The following KBTBD12 variants were observed in gnomAD, a reference collection of about 807,000 sequenced individuals.
KBTBD12 encodes the protein kelch repeat and BTB domain-containing protein 12.
A neutral mutation model predicts 58.7 loss-of-function variants in KBTBD12; 53 were observed. The observed-to-expected ratio is 0.90, with a 90% confidence interval of 0.72 to 1.14. The LOEUF is 1.14. KBTBD12 is among the 50% of genes most tolerant of loss of function. The probability of loss-of-function intolerance (pLI) is 0.00; values close to 1 mark genes in which losing one functional copy is unlikely to be tolerated. For synonymous variants in KBTBD12, 236 were observed against 259.8 expected (o/e 0.91, Z 0.88); for missense variants, 704 against 751.3 (o/e 0.94, Z 0.74).
intron 4 of KBTBD12, among the ~76,000 whole-genome samples, chr3:127,948,578 C>G (rs1410908595): frequency 6.6e-6 from 1 of 152,178 alleles, no homozygotes; most frequent in Non-Finnish European, 1.5e-5. Context: ...CAGACAAACC[C>G]TAGTCAAGAT....
At chr3:127,935,543 T>C (rs1404215139) in intron 4 of KBTBD12, among the ~76,000 whole-genome samples, 1 of 152,090 alleles carries the variant, frequency 6.6e-6, no homozygotes, top group Non-Finnish European at 1.5e-5. Flanking sequence ...GGAGGATCAC[T>C]TGAGCCCAAG....
chr3:127,924,703 A>G (rs182182557), intron 2 of KBTBD12, among the ~76,000 whole-genome samples: 1 of 152,260 alleles, frequency 6.6e-6, no homozygotes, highest in East Asian at 1.9e-4. Context: ...GTCAGTTTTC[A>G]TTCTATGTCC....
intron 4 of KBTBD12, among the ~76,000 whole-genome samples, chr3:127,938,411 G>A (rs190597465): frequency 1.4e-3 from 210 of 152,050 alleles, no homozygotes; most frequent in Middle Eastern, 3.4e-3. Flanking sequence ...GAAATTTCTA[G>A]GCTTACCACT....
At chr3:127,944,759 A>G (rs562715450) in intron 4 of KBTBD12, among the ~76,000 whole-genome samples, 3 of 152,328 alleles carry the variant, frequency 2.0e-5, no homozygotes, top group African/African-American at 7.2e-5. Context: ...CTTAAAGAAT[A>G]AGCTTTGAGG....
chr3:127,947,890 T>C (rs1450091503), intron 4 of KBTBD12, among the ~76,000 whole-genome samples: 2 of 152,202 alleles, frequency 1.3e-5, no homozygotes, highest in East Asian at 1.9e-4. Flanking sequence ...CTCTCTGGAA[T>C]GTTAGCTCAT....
At chr3:127,930,056 TTTGA>T (rs1939665895) in intron 3 of KBTBD12, 73 bp from the exon 4 acceptor site, 4 of 1,334,290 alleles carry the variant, frequency 3.0e-6, no homozygotes, top group Non-Finnish European at 3.1e-6. Flanking sequence ...GGCTGTCTGC[TTTGA>T]TTAATTGCAT....
At chr3:127,971,981 G>T (rs1024782405) in intron 5 of KBTBD12, among the ~76,000 whole-genome samples, 6 of 152,150 alleles carry the variant, frequency 3.9e-5, no homozygotes, top group African/African-American at 1.4e-4. Context: ...CAGTCTTAAT[G>T]GTGAAAAGCC....
intron 5 of KBTBD12, among the ~76,000 whole-genome samples, chr3:127,964,308 G>A (rs1275294228): frequency 6.6e-5 from 10 of 152,074 alleles, no homozygotes; most frequent in African/African-American, 2.4e-4. Context: ...TCGCAAGCCT[G>A]CCTTCACTCT....
chr3:127,958,460 G>A (rs1431653231), intron 4 of KBTBD12, among the ~76,000 whole-genome samples: 1 of 152,092 alleles, frequency 6.6e-6, no homozygotes, highest in Non-Finnish European at 1.5e-5. Flanking sequence ...AGGAAAAGAT[G>A]GGCCCAGGGT....
Position 127,923,239 on chromosome 3 carries a change from T to C in KBTBD12, c.178T>C (p.Phe60Leu), listed in dbSNP as rs763978918. ...ATTTAGCCCTTATTTCAAAGCTATG[T>C]TCACCTGTGGACTACTTGAATGTAA... ...AAFSPYFKAM[F>L]TCGLLECNQR... The change falls in exon 2 of 6, where the codon TTC becomes CTC. Residue 60 changes from phenylalanine to leucine, a missense_variant. Transcript: ENST00000405109. 8 of 1,613,896 alleles carry C rather than the reference T, an allele frequency of 5.0e-6. No individual in the cohort carries two copies. The South Asian group carries it at 5.5e-5, about 11-fold the overall frequency.
At chr3:127,921,861 C>A (rs1483119313) in intron 1 of KBTBD12, among the ~76,000 whole-genome samples, 1 of 152,132 alleles carries the variant, frequency 6.6e-6, no homozygotes, top group Non-Finnish European at 1.5e-5. Context: ...GACCATTTCA[C>A]TTCTCAAAAC....
Position 127,923,403 on chromosome 3 carries a change from A to G in KBTBD12, c.342A>G (p.Glu114=). Residue 114 remains glutamate, a synonymous_variant, in exon 2 of 6, where the codon GAA becomes GAG. Transcript: ENST00000405109. ...VAMAAYFMQM[E]EVFSVCQKYM... ...TGGCTGCCTATTTTATGCAGATGGA[A>G]GAAGTCTTCAGTGTGTGTCAAAAAT... 1.9e-6 allele frequency: 3 copies of G among 1,613,328 alleles called. No homozygotes were observed. Among genetic ancestry groups the G allele is most frequent in the Non-Finnish European group, 2.5e-6 (3 of 1,179,782 alleles).
chr3:127,936,861 G>A lies in KBTBD12; in HGVS notation c.1492+6578G>A, dbSNP rs561531346. 2.0e-5 allele frequency among the ~76,000 whole-genome samples: 3 copies of A among 152,224 alleles called. No individual in the cohort carries two copies. The South Asian group carries it at 6.2e-4, about 32-fold the overall frequency. ...ACATCTTGGCATTGAGAAAGTTACT[G>A]ATGAAAGGCTCATACATCCCTGAGA... On this transcript the variant is annotated intron_variant, in intron 4 of 5. Transcript: ENST00000405109.
intron 5 of KBTBD12, among the ~76,000 whole-genome samples, chr3:127,980,595 G>T (rs1393041525): frequency 6.6e-6 from 1 of 152,216 alleles, no homozygotes; most frequent in Admixed American, 6.5e-5. Flanking sequence ...CTCCCAAAGT[G>T]CTGGGATTAG....
chr3:127,950,609 C>T (rs191590136), intron 4 of KBTBD12, among the ~76,000 whole-genome samples: 150 of 152,138 alleles, frequency 9.9e-4, no homozygotes, highest in Admixed American at 1.7e-3. Flanking sequence ...AAGGACCCAG[C>T]GATGAAAGAT....
Position 127,985,736 on chromosome 3 carries a change from AG to A in KBTBD12, c.*1460del, listed in dbSNP as rs1940953338. 6.6e-6 allele frequency: 1 copy of A among 152,282 alleles called. No homozygotes were observed. Among genetic ancestry groups the A allele is most frequent in the Non-Finnish European group, 1.5e-5 (1 of 68,108 alleles). The allele number at this position is 152,282 out of a possible 1,614,324, so 9.4% of individuals were successfully genotyped here. On this transcript the variant is annotated 3_prime_UTR_variant, in exon 6 of 6. Transcript: ENST00000405109. The stretch of plus-strand genomic sequence containing the variant: ...GACCCAGCGTAGGTTGGCCCCAAGT[AG>A]GCTCAACTCGGGAGGGTGGGGGTCC...
chr3:127,946,932 T>C (rs886530857), intron 4 of KBTBD12, among the ~76,000 whole-genome samples: 1 of 152,240 alleles, frequency 6.6e-6, no homozygotes, highest in Non-Finnish European at 1.5e-5. Flanking sequence ...TCTTCTTCTT[T>C]TCAGATACTA....
At chr3:127,979,465 T>A (rs1462522760) in intron 5 of KBTBD12, among the ~76,000 whole-genome samples, 1 of 152,202 alleles carries the variant, frequency 6.6e-6, no homozygotes, top group Non-Finnish European at 1.5e-5. Flanking sequence ...ATTGATTTTT[T>A]AAAACTAAAG....
In KBTBD12 at chr3:127,984,166, C is replaced by T. The variant is rs772131730; in HGVS notation, c.1760C>T (p.Ala587Val). Residue 587 changes from alanine to valine, a missense_variant, in exon 6 of 6, where the codon GCC becomes GTC. Transcript: ENST00000405109. The part of the protein sequence containing the change: ...DPWENQWNVV[A>V]INVLMHDSYD... ...TGGGAAAACCAGTGGAATGTTGTAG[C>T]CATCAACGTCCTCATGCATGACAGC... 2 of 1,613,712 alleles carry T rather than the reference C, an allele frequency of 1.2e-6. No individual in the cohort carries two copies. Among genetic ancestry groups the T allele is most frequent in the Admixed American group, 1.7e-5 (1 of 60,028 alleles).
Sources: allele counts gnomAD v4.1 joint callset (sites outside exome capture counted in the v4.1 genomes callset), GRCh38; gene constraint gnomAD v4.1.1; transcripts MANE v1.5; gene names NCBI Gene and HGNC (gene_info 2026-07-23, HGNC 2026-07-21).